Variants in STAB2 observed in about 807,000 individuals in gnomAD.
STAB2 encodes the protein stabilin-2.
In STAB2, 288 loss-of-function variants were observed where a neutral mutation model predicts 338.1. That is an observed-to-expected ratio of 0.85 (90% confidence interval 0.77 to 0.94). The LOEUF is 0.94. Among genes scored for constraint, STAB2 ranks in the 40% least tolerant of loss-of-function variants. STAB2 has a pLI of 0.00. For synonymous variants in STAB2, 1,202 were observed against 1,193.3 expected, an observed-to-expected ratio of 1.01 and a Z score of -0.15; for missense variants, 3,141 against 3,210.1, an observed-to-expected ratio of 0.98 and a Z score of 0.52.
chr12:103,697,644 G>A (rs1878516970), intron 33 of STAB2, among the ~76,000 whole-genome samples: 1 of 152,266 alleles, frequency 6.6e-6, no homozygotes, highest in African/African-American at 2.4e-5. Flanking sequence ...AAACATCTCG[G>A]TCCTTGAATC....
Position 103,622,023 on chromosome 12 carries a change from C to A in STAB2, c.418-19C>A. On this transcript the variant is annotated intron_variant, in intron 4 of 68. Coordinates refer to ENST00000388887, the MANE Select transcript of STAB2 (RefSeq NM_017564.10). ...GGGTCACCTTGGGTCTAATGTCAAC[C>A]ACCTGGGGTGTTTTGCAGGAAGGGT... 1 of 1,614,026 alleles carries A rather than the reference C, an allele frequency of 6.2e-7. No individual in the cohort carries two copies. The highest frequency in any genetic ancestry group is 1.1e-5 in the South Asian group (1 of 91,064).
chr12:103,702,676 C>T (rs1270724957), intron 34 of STAB2, among the ~76,000 whole-genome samples: 3 of 152,190 alleles, frequency 2.0e-5, no homozygotes, highest in Admixed American at 6.5e-5. Context: ...GAAGCGGAGA[C>T]ATACTGAAAG....
chr12:103,720,228 A>T (rs1440517571), intron 44 of STAB2, among the ~76,000 whole-genome samples: 1 of 152,252 alleles, frequency 6.6e-6, no homozygotes, highest in Non-Finnish European at 1.5e-5. Context: ...TTGTAAAAAA[A>T]AATGGCCACC....
rs780514467 is a variant in STAB2, at chr12:103,592,143, C to G, written c.215+1113C>G. 4 of 152,214 alleles carry G rather than the reference C, an allele frequency of 2.6e-5. No homozygotes were observed. The East Asian group carries it at 7.7e-4, about 29-fold the overall frequency. The allele number at this position is 152,214 out of a possible 1,614,324, so 9.4% of individuals were successfully genotyped here. A position where few individuals can be genotyped will look rare whatever the true frequency, so the allele number is the denominator to read the frequency against. ...GATGGGATAACTTTTACCTGTTCCT[C>G]CTTTTGGAGGTTAGATTCTAATACG... On this transcript the variant is annotated intron_variant, in intron 2 of 68. Coordinates refer to ENST00000388887, the MANE Select transcript of STAB2 (RefSeq NM_017564.10).
chr12:103,739,967 G>C (rs923664171), intron 54 of STAB2, among the ~76,000 whole-genome samples: 1 of 152,184 alleles, frequency 6.6e-6, no homozygotes, highest in Admixed American at 6.5e-5. Flanking sequence ...GAGCAATGGA[G>C]AGTAATGTTT....
At position 103,761,352 on chromosome 12, in the gene STAB2, C is replaced by T; in HGVS notation, c.7301C>T (p.Ala2434Val). ...GCCATTCTGCAGTGGGACATCTTTG[C>T]CTCCAATGGGATCATTCATGTCATT... ...GRAILQWDIF[A>V]SNGIIHVISR... Residue 2434 changes from alanine to valine, a missense_variant, in exon 66 of 69, where the codon GCC (alanine) becomes GTC (valine). Transcript: ENST00000388887. The T allele has an allele frequency of 1.2e-6, 2 of 1,614,068 alleles. No individual in the cohort carries two copies. Among genetic ancestry groups the T allele is most frequent in the Non-Finnish European group, 8.5e-7 (1 of 1,179,998 alleles).
At position 103,693,610 on chromosome 12, in the gene STAB2, GA is replaced by G. The variant is rs1443620108; in HGVS notation, c.3375+727del. Among the ~76,000 whole-genome samples, 111 of 151,964 alleles carry G rather than the reference GA, an allele frequency of 7.3e-4. 1 individual carries two copies. The highest frequency in any genetic ancestry group is 2.6e-3 in the African/African-American group (109 of 41,426). On this transcript the variant is annotated intron_variant, in intron 31 of 68. Transcript: ENST00000388887. Reference sequence around the variant, plus strand: ...AAGATGAGGTAGGGAAGGCCCTAAGGAAAAAAGTGGAAAAGAATATAAAAAG... The same window carrying G: ...AAGATGAGGTAGGGAAGGCCCTAAGGAAAAAGTGGAAAAGAATATAAAAAG...
At chr12:103,696,764 G>A (rs772039577) in intron 33 of STAB2, among the ~76,000 whole-genome samples, 3 of 152,182 alleles carry the variant, frequency 2.0e-5, no homozygotes, top group Non-Finnish European at 4.4e-5. Context: ...CAGGGACGGG[G>A]GGAGGAGAGG....
rs1957059665 is a variant in STAB2 at position 103,608,003 on chromosome 12, AC to A, written c.332-12464del. On this transcript the variant is annotated intron_variant, in intron 3 of 68. Coordinates refer to ENST00000388887, the MANE Select transcript of STAB2 (RefSeq NM_017564.10). ...GTTGAACTAGTTTACAGTCCCACCA[AC>A]TGTGTAAAAATGTTCCTATTTCTCC... 5.3e-5 allele frequency among the ~76,000 whole-genome samples: 8 copies of A among 152,340 alleles called. No individual in the cohort carries two copies. In the South Asian group the frequency reaches 1.7e-3, roughly 32 times the overall value.
chr12:103,630,474 G>C (rs1047592326), intron 5 of STAB2, among the ~76,000 whole-genome samples: 1 of 152,180 alleles, frequency 6.6e-6, no homozygotes, highest in South Asian at 2.1e-4. Context: ...CCCCCAAAAT[G>C]TCCTAATCCC....
Position 103,637,134 on chromosome 12 carries a change from C to T in STAB2, c.607C>T (p.Leu203Phe). 6.2e-7 allele frequency: 1 copy of T among 1,612,730 alleles called. No individual in the cohort carries two copies. The highest frequency in any genetic ancestry group is 1.1e-5 in the South Asian group (1 of 90,708). Residue 203 changes from leucine (L) to phenylalanine (F), a missense_variant, in exon 7 of 69, where the codon CTC becomes TTC. Leu to Phe is a conservative substitution (Grantham distance 22). Coordinates refer to ENST00000388887, the MANE Select transcript of STAB2 (RefSeq NM_017564.10). Reference protein sequence around the residue: ...DKPIPECAALLCPENSRCSPS... With the variant: ...DKPIPECAALFCPENSRCSPS... Reference sequence around the variant, plus strand: ...AGCCATCCCTGAATGTGCAGCCTTGCTCTGCCCAGAAAATTCCAGATGTTC... The same window carrying T: ...AGCCATCCCTGAATGTGCAGCCTTGTTCTGCCCAGAAAATTCCAGATGTTC...
At chr12:103,763,208 G>A (rs898025679) in intron 67 of STAB2, 5 of 334,712 alleles carry the variant, frequency 1.5e-5, no homozygotes, top group African/African-American at 1.1e-4. Context: ...ACCCTGGGTG[G>A]CAGGCACCAG....
chr12:103,671,457 AAGAATC>A (rs1012276099), intron 22 of STAB2, among the ~76,000 whole-genome samples: 1 of 152,076 alleles, frequency 6.6e-6, no homozygotes, highest in East Asian at 1.9e-4. Context: ...TGAAAAAAAA[AAGAATC>A]AGATTCACTC....
At chr12:103,651,947 A>T (rs148473990) in intron 11 of STAB2, among the ~76,000 whole-genome samples, 1 of 151,724 alleles carries the variant, frequency 6.6e-6, no homozygotes, top group East Asian at 1.9e-4. Flanking sequence ...TCCTCATACC[A>T]CTCCTGTTGG....
chr12:103,682,191 G>A (rs1176459741), intron 25 of STAB2, among the ~76,000 whole-genome samples: 2 of 152,078 alleles, frequency 1.3e-5, no homozygotes, highest in Non-Finnish European at 2.9e-5. Context: ...GGGTCTCTTT[G>A]TGGTGTTCTA....
chr12:103,667,521 TCAGCC>T (rs1359369599), intron 19 of STAB2, among the ~76,000 whole-genome samples: 1 of 151,924 alleles, frequency 6.6e-6, no homozygotes, highest in Admixed American at 6.6e-5. Flanking sequence ...TATGATTGTC[TCAGCC>T]CAGGGAAAGA....
Position 103,713,648 on chromosome 12 carries a change from A to G in STAB2, c.4417A>G (p.Asn1473Asp). The G allele has an allele frequency of 6.2e-7, 1 of 1,613,874 alleles. No individual in the cohort carries two copies. Among genetic ancestry groups the G allele is most frequent in the Admixed American group, 1.7e-5 (1 of 60,016 alleles). The change falls in exon 42 of 69, where the codon AAT (asparagine) becomes GAT (aspartate). Residue 1473 changes from asparagine to aspartate, a missense_variant. Coordinates refer to ENST00000388887, the MANE Select transcript of STAB2 (RefSeq NM_017564.10). ...CTCTGTGTCATCTTCTATAGCAATC[A>G]ATGCCTGTGAGATCAGCAATGGAGG... Reference protein sequence around the residue: ...QGNGTICTAINACEISNGGCS... With the variant: ...QGNGTICTAIDACEISNGGCS...
intron 3 of STAB2, among the ~76,000 whole-genome samples, chr12:103,602,686 T>C (rs1423089321): frequency 6.6e-6 from 1 of 152,238 alleles, no homozygotes; most frequent in Non-Finnish European, 1.5e-5. Context: ...GGACTTGCAT[T>C]TTAACCCATT....
chr12:103,654,678 A>T lies in STAB2; in HGVS notation c.1531A>T (p.Thr511Ser), dbSNP rs1367016353. The change falls in exon 13 of 69, where the codon ACA becomes TCA. Residue 511 changes from threonine to serine, a missense_variant. Thr to Ser is a moderately conservative substitution (Grantham distance 58). Transcript: ENST00000388887. The stretch of plus-strand genomic sequence containing the variant: ...CAGAGCCATGGACAAGTTAGAACCC[A>T]CATTTGAGAGCAACAATGAGGTGAG... ...LDRAMDKLEP[T>S]FESNNEQTIM... 1 of 1,613,972 alleles carries T rather than the reference A, an allele frequency of 6.2e-7. No individual in the cohort carries two copies.
Sources: gnomAD v4.1 joint callset for allele counts (sites outside exome capture counted in the v4.1 genomes callset) on GRCh38, gnomAD v4.1.1 for gene constraint, MANE v1.5 for transcripts, NCBI Gene and HGNC (gene_info 2026-07-23, HGNC 2026-07-21) for gene names.